Variants in AGBL2 observed in about 807,000 individuals in gnomAD.
AGBL2 encodes the protein AGBL carboxypeptidase 2.
A neutral mutation model predicts 103.0 loss-of-function variants in AGBL2; 87 were observed. The ratio of observed to expected loss-of-function variants is 0.84; its 90% CI spans 0.71 to 1.01. AGBL2 has a LOEUF of 1.01. Among genes scored for constraint, AGBL2 ranks in the 50% least tolerant of loss-of-function variants. AGBL2 has a pLI of 0.00. For missense variants in AGBL2, 904 were observed against 1,023.5 expected (o/e 0.88, Z 1.59); for synonymous variants, 335 against 356.7 (o/e 0.94, Z 0.69).
In AGBL2 at chr11:47,690,459, C is replaced by G. The variant is rs779673785; in HGVS notation, c.1248G>C (p.Gln416His). 12 of 1,614,010 alleles carry G rather than the reference C, an allele frequency of 7.4e-6. No individual in the cohort carries two copies. Among genetic ancestry groups the G allele is most frequent in the Non-Finnish European group, 1.0e-5 (12 of 1,180,038 alleles). ...AAGTTTGGAGCTTGCAGAACTGAGACTGGATAGGGTTGTTTGCCACTGACA... is the reference window on the plus strand; with the variant it reads ...AAGTTTGGAGCTTGCAGAACTGAGAGTGGATAGGGTTGTTTGCCACTGACA... ...YLLSVANNPI[Q>H]SQFCKLQTLC... is the part of the protein sequence containing the mutation. The change falls in exon 10 of 19, where the codon CAG (glutamine) becomes CAC (histidine). Residue 416 changes from glutamine (Q) to histidine (H), a missense_variant. Transcript: ENST00000525123.
intron 14 of AGBL2, among the ~76,000 whole-genome samples, chr11:47,669,400 T>A (rs922083734): frequency 6.6e-6 from 1 of 152,132 alleles, no homozygotes; most frequent in African/African-American, 2.4e-5. Flanking sequence ...CTGGGTGCGG[T>A]GGCACACGCC....
Position 47,707,572 on chromosome 11 carries a change from C to A in AGBL2, c.233-1655G>T, listed in dbSNP as rs139031280. Among the ~76,000 whole-genome samples, 809 of 152,232 alleles carry A rather than the reference C, an allele frequency of 5.3e-3. 9 individuals are homozygous for A. The highest frequency in any genetic ancestry group is 0.018 in the African/African-American group (730 of 41,546). On this transcript the variant is annotated intron_variant, in intron 4 of 18. Coordinates refer to ENST00000525123, the MANE Select transcript of AGBL2 (RefSeq NM_024783.4). Reference sequence around the variant, plus strand: ...AAAACCTGCCCCCATGATTCAATTACCTCCCACCAGGTCCCTCCCACAACA... The same window carrying A: ...AAAACCTGCCCCCATGATTCAATTAACTCCCACCAGGTCCCTCCCACAACA...
In AGBL2 at chr11:47,690,158, C is replaced by G; in HGVS notation, c.1549G>C (p.Gly517Arg). Residue 517 changes from glycine (G) to arginine (R), a missense_variant, in exon 10 of 19, where the codon GGA (glycine) becomes CGA (arginine). Coordinates refer to ENST00000525123, the MANE Select transcript of AGBL2 (RefSeq NM_024783.4). Reference protein sequence around the residue: ...IVGNYRCSLAGRDLNRHYKTI... With the variant: ...IVGNYRCSLARRDLNRHYKTI... The stretch of plus-strand genomic sequence containing the variant: ...TTATAATGCCTGTTCAAATCCCTTC[C>G]GGCCAAGGAACACCGATAATTCCCC... 1 of 1,614,096 alleles carries G rather than the reference C, an allele frequency of 6.2e-7. No individual in the cohort carries two copies. The highest frequency in any genetic ancestry group is 8.5e-7 in the Non-Finnish European group (1 of 1,180,008).
intron 14 of AGBL2, among the ~76,000 whole-genome samples, chr11:47,676,781 T>A (rs938344906): frequency 7.4e-6 from 1 of 135,974 alleles, no homozygotes; most frequent in South Asian, 2.2e-4. Context: ...ATCGCGCCAC[T>A]GCAGCCTGGG....
At chr11:47,698,168 A>AT (rs35161992) in intron 8 of AGBL2, among the ~76,000 whole-genome samples, 33,656 of 79,742 alleles carry the variant, frequency 0.42, 8,264 homozygotes, top group South Asian at 0.54. Context: ...AGTCTACATA[A>AT]TTTTTTTTTT....
chr11:47,701,190 G>C (rs2153804971), intron 7 of AGBL2, among the ~76,000 whole-genome samples: 1 of 151,654 alleles, frequency 6.6e-6, no homozygotes, highest in South Asian at 2.1e-4. Context: ...TAGTTGGCTG[G>C]GCGCAGTGAG....
In AGBL2 at chr11:47,681,906, C is replaced by T. The variant is rs2097402840; in HGVS notation, c.1915+63G>A. 40 of 1,582,436 alleles carry T rather than the reference C, an allele frequency of 2.5e-5. 1 individual carries two copies. In the South Asian group the frequency reaches 4.5e-4, roughly 18 times the overall value. The stretch of plus-strand genomic sequence containing the variant: ...CCCAGCATTCAAAGGCATTTTATCT[C>T]CCTGATGCTTTGCTTGGATTTCCCT... On this transcript the variant is annotated intron_variant, in intron 12 of 18. Transcript: ENST00000525123.
At chr11:47,691,977 C>T in intron 9 of AGBL2, 126 bp downstream of exon 9, 1 of 797,950 alleles carries the variant, frequency 1.3e-6, no homozygotes, top group Non-Finnish European at 1.8e-6. Flanking sequence ...CTCCATTTTT[C>T]TTCATACCCA....
chr11:47,682,636 T>C (rs1482333224), intron 11 of AGBL2, among the ~76,000 whole-genome samples: 1 of 152,180 alleles, frequency 6.6e-6, no homozygotes, highest in African/African-American at 2.4e-5. Flanking sequence ...CCTGGAACCC[T>C]CTCCCTTACA....
intron 3 of AGBL2, among the ~76,000 whole-genome samples, chr11:47,713,889 G>A (rs555670117): frequency 1.3e-5 from 2 of 151,818 alleles, no homozygotes; most frequent in Admixed American, 6.6e-5. Flanking sequence ...GTGCCCGGCC[G>A]CCAATTGTAA....
In AGBL2 at chr11:47,670,818, A is replaced by T. The variant is rs571579055; in HGVS notation, c.2148-1911T>A. ...AGACCAGCCTGGGCAACATGGCAAAACCCTGTCTCTACAAAAAAATACAAA... is the reference window on the plus strand; with the variant it reads ...AGACCAGCCTGGGCAACATGGCAAATCCCTGTCTCTACAAAAAAATACAAA... On this transcript the variant is annotated intron_variant, in intron 14 of 18. Coordinates refer to ENST00000525123, the MANE Select transcript of AGBL2 (RefSeq NM_024783.4). Among the ~76,000 whole-genome samples the T allele has an allele frequency of 9.2e-5, 14 of 151,868 alleles. No homozygotes were observed. The South Asian group carries it at 2.7e-3, about 29-fold the overall frequency.
chr11:47,692,822 T>G (rs770579842), intron 8 of AGBL2, among the ~76,000 whole-genome samples: 1 of 151,808 alleles, frequency 6.6e-6, no homozygotes, highest in African/African-American at 2.4e-5. Flanking sequence ...TTTATCCCTA[T>G]GTTTTCTTTG....
chr11:47,670,331 T>A (rs1339416729), intron 14 of AGBL2, among the ~76,000 whole-genome samples: 2 of 152,098 alleles, frequency 1.3e-5, no homozygotes, highest in Non-Finnish European at 2.9e-5. Flanking sequence ...AATGTTTTTT[T>A]TAAAATTAGC....
At position 47,710,620 on chromosome 11, in the gene AGBL2, C is replaced by T. The variant is rs2097534025; in HGVS notation, c.98-109G>A. ...TTTTATCACCACCCACCACCACAGCCCTTTGCAATGAATACACTGCATTTT... is the reference window on the plus strand; with the variant it reads ...TTTTATCACCACCCACCACCACAGCTCTTTGCAATGAATACACTGCATTTT... On this transcript the variant is annotated intron_variant, in intron 3 of 18. Coordinates refer to ENST00000525123, the MANE Select transcript of AGBL2 (RefSeq NM_024783.4). The T allele has an allele frequency of 1.2e-5, 15 of 1,303,204 alleles. No individual in the cohort carries two copies. In the East Asian group the frequency reaches 3.5e-4, roughly 30 times the overall value. The allele number at this position is 1,303,204 out of a possible 1,614,324, so 80.7% of individuals were successfully genotyped here.
rs373154382 is a variant in AGBL2 at position 47,663,083 on chromosome 11, G to C, written c.2478C>G (p.Thr826=). The part of the protein sequence containing the change: ...ETNLNRRDKD[T]PLDPSMATLI... ...GGGTGGCCATTGATGGGTCCAGGGGGGTGTCTTTGTCTCTTCTATTTAAAT... is the reference window on the plus strand; with the variant it reads ...GGGTGGCCATTGATGGGTCCAGGGGCGTGTCTTTGTCTCTTCTATTTAAAT... The change falls in exon 18 of 19, where the codon ACC becomes ACG. Residue 826 remains threonine, a synonymous_variant. Transcript: ENST00000525123. 3 of 1,593,232 alleles carry C rather than the reference G, an allele frequency of 1.9e-6. No homozygotes were observed. The highest frequency in any genetic ancestry group is 2.6e-6 in the Non-Finnish European group (3 of 1,175,300).
chr11:47,666,925 T>C, intron 17 of AGBL2, 31 bp downstream of exon 17: 2 of 1,345,322 alleles, frequency 1.5e-6, no homozygotes, highest in Admixed American at 1.7e-5. Flanking sequence ...AGAGAATCTG[T>C]GTGACAAAGA....
At chr11:47,660,594 C>A (rs1365049380) in intron 18 of AGBL2, among the ~76,000 whole-genome samples, 2 of 147,958 alleles carry the variant, frequency 1.4e-5, no homozygotes, top group East Asian at 3.9e-4. Context: ...TGCTCTGTTG[C>A]TCTGGCTGGA....
rs56014951 is a variant in AGBL2 at position 47,697,540 on chromosome 11, C to CT, written c.694+1905dup. 2.0e-3 allele frequency among the ~76,000 whole-genome samples: 101 copies of CT among 50,398 alleles called. 2 individuals carry two copies. The highest frequency in any genetic ancestry group is 6.8e-3 in the African/African-American group (84 of 12,348). 33.1% of individuals were successfully genotyped at this position (50,398 alleles called of 152,430 possible). A position where few individuals can be genotyped will look rare whatever the true frequency, so the allele number is the denominator to read the frequency against. ...GGCGTGAGCCACCTCGCCAAGCCTACTTTTTTTTTTTTTTTTTTTTTTTGA... is the reference window on the plus strand; with the variant it reads ...GGCGTGAGCCACCTCGCCAAGCCTACTTTTTTTTTTTTTTTTTTTTTTTTGA... On this transcript the variant is annotated intron_variant, in intron 8 of 18. Coordinates refer to ENST00000525123, the MANE Select transcript of AGBL2 (RefSeq NM_024783.4).
chr11:47,661,581 G>A (rs2097328096), intron 18 of AGBL2, among the ~76,000 whole-genome samples: 1 of 152,026 alleles, frequency 6.6e-6, no homozygotes, highest in African/African-American at 2.4e-5. Flanking sequence ...CCAAGCAACA[G>A]ACTTGGGAAG....
Sources: gnomAD v4.1 joint callset for allele counts (sites outside exome capture counted in the v4.1 genomes callset) on GRCh38, gnomAD v4.1.1 for gene constraint, MANE v1.5 for transcripts, NCBI Gene and HGNC (gene_info 2026-07-23, HGNC 2026-07-21) for gene names.